CACNA1D: variants seen among roughly 807,000 people sequenced by gnomAD.
CACNA1D encodes voltage-dependent L-type calcium channel subunit alpha-1D.
CACNA1D carries 55 observed loss-of-function variants against 257.1 expected under a neutral mutation model. That is an observed-to-expected ratio of 0.21 (90% CI 0.17 to 0.27). The LOEUF (loss-of-function observed/expected upper bound fraction) is 0.27. Among genes scored for constraint, CACNA1D ranks in the 10% least tolerant of loss-of-function variants. The pLI is 1.00. For missense variants in CACNA1D, 1,876 were observed against 2,784.0 expected (o/e 0.67, Z 7.34); for synonymous variants, 980 against 1,014.9 (o/e 0.97, Z 0.65).
At position 53,638,510 on chromosome 3, in the gene CACNA1D, A is replaced by C. The variant is rs143106855; in HGVS notation, c.484-12269A>C. The stretch of plus-strand genomic sequence containing the variant: ...TGTTACATAGACTAGACACAGCAGT[A>C]ATAGCCAATGTTCCATGAGAACTTG... On this transcript the variant is annotated intron_variant, in intron 3 of 47. Coordinates refer to ENST00000350061, the MANE Select transcript of CACNA1D (RefSeq NM_001128840.3). Among the ~76,000 whole-genome samples, 672 of 152,358 alleles carry C rather than the reference A, an allele frequency of 4.4e-3. 7 individuals carry two copies. Among genetic ancestry groups the C allele is most frequent in the African/African-American group, 0.016 (648 of 41,582 alleles).
intron 3 of CACNA1D, among the ~76,000 whole-genome samples, chr3:53,510,258 A>G (rs1004789246): frequency 1.3e-5 from 2 of 152,222 alleles, no homozygotes; most frequent in East Asian, 1.9e-4. Flanking sequence ...ACGTATGTAT[A>G]TATCACCTGT....
At position 53,629,034 on chromosome 3, in the gene CACNA1D, G is replaced by A. The variant is rs181915963; in HGVS notation, c.484-21745G>A. 2.3e-4 allele frequency among the ~76,000 whole-genome samples: 35 copies of A among 152,354 alleles called. No homozygotes were observed. In the East Asian group the frequency reaches 5.2e-3, roughly 23 times the overall value. On this transcript the variant is annotated intron_variant, in intron 3 of 47. Transcript: ENST00000350061. ...AACCTTTTCTGTAAAGAATTGAATA[G>A]TAAATATTCTAGGCTTTGTGGGCCG...
At chr3:53,627,746 C>T (rs1359005025) in intron 3 of CACNA1D, among the ~76,000 whole-genome samples, 1 of 152,086 alleles carries the variant, frequency 6.6e-6, no homozygotes, top group Non-Finnish European at 1.5e-5. Context: ...GGTGTGGTGA[C>T]TCATGTCTGT....
At chr3:53,725,528 C>T (rs2094927489) in intron 14 of CACNA1D, among the ~76,000 whole-genome samples, 2 of 152,144 alleles carry the variant, frequency 1.3e-5, no homozygotes, top group African/African-American at 2.4e-5. Flanking sequence ...ACACACGTGC[C>T]CAAGTGCTCT....
chr3:53,499,831 C>T (rs1418224667), intron 2 of CACNA1D, among the ~76,000 whole-genome samples: 1 of 151,802 alleles, frequency 6.6e-6, no homozygotes, highest in African/African-American at 2.4e-5. Flanking sequence ...ACATTGGGGC[C>T]CTTGACTTTA....
intron 3 of CACNA1D, among the ~76,000 whole-genome samples, chr3:53,557,577 G>C (rs560518420): frequency 2.0e-5 from 3 of 152,128 alleles, no homozygotes; most frequent in Non-Finnish European, 4.4e-5. Flanking sequence ...GTTGAAGTGC[G>C]TTTTCTTTTG....
At chr3:53,698,334 A>G (rs2094591015) in intron 8 of CACNA1D, among the ~76,000 whole-genome samples, 1 of 152,220 alleles carries the variant, frequency 6.6e-6, no homozygotes, top group South Asian at 2.1e-4. Context: ...TGTCTAAGAT[A>G]GTTTCAGAAT....
rs144467716 is a variant in CACNA1D, at chr3:53,707,180, A to G, written c.1390+4370A>G. Among the ~76,000 whole-genome samples, 623 of 152,110 alleles carry G rather than the reference A, an allele frequency of 4.1e-3. 5 individuals are homozygous for G. The highest frequency in any genetic ancestry group is 0.014 in the African/African-American group (583 of 41,476). On this transcript the variant is annotated intron_variant, in intron 9 of 47. Transcript: ENST00000350061. Reference sequence around the variant, plus strand: ...TCTCTGATCTGCTAAATGTCACTGCATGCGTCTGCGATGCCCAACACTGGC... The same window carrying G: ...TCTCTGATCTGCTAAATGTCACTGCGTGCGTCTGCGATGCCCAACACTGGC...
At chr3:53,655,046 C>T (rs567564190) in intron 4 of CACNA1D, among the ~76,000 whole-genome samples, 35 of 152,268 alleles carry the variant, frequency 2.3e-4, no homozygotes, top group African/African-American at 8.4e-4. Flanking sequence ...TTAGCTCCTA[C>T]TTATAAGTGA....
intron 5 of CACNA1D, among the ~76,000 whole-genome samples, chr3:53,663,662 T>C (rs1248008498): frequency 6.6e-6 from 1 of 152,194 alleles, no homozygotes; most frequent in African/African-American, 2.4e-5. Flanking sequence ...GTGAACGTAA[T>C]TGCGGTTTTT....
Position 53,811,302 on chromosome 3 carries a change from T to C in CACNA1D, c.6382T>C (p.Tyr2128His), listed in dbSNP as rs927316350. Residue 2128 changes from tyrosine to histidine, a missense_variant, in exon 48 of 48, where the codon TAT (tyrosine) becomes CAT (histidine). Tyr to His is a moderately conservative substitution (Grantham distance 83). Transcript: ENST00000350061. The surrounding 1 kb of genome is among the most constrained non-coding windows in gnomAD (Gnocchi z 4.2). ...GGGCCCCCTCTCACACCGGCAGGAC[T>C]ATGAGCTACAGGACTTTGGTCCTGG... Reference protein sequence around the residue: ...DVGPLSHRQDYELQDFGPGYS... With the variant: ...DVGPLSHRQDHELQDFGPGYS... 1 of 1,613,624 alleles carries C rather than the reference T, an allele frequency of 6.2e-7. No individual in the cohort carries two copies. The highest frequency in any genetic ancestry group is 1.7e-5 in the Admixed American group (1 of 60,008).
intron 3 of CACNA1D, among the ~76,000 whole-genome samples, chr3:53,550,860 T>C (rs564383834): frequency 2.0e-5 from 3 of 152,316 alleles, no homozygotes; most frequent in South Asian, 2.1e-4. Flanking sequence ...AAATGAGCAA[T>C]TATATCTTTA....
chr3:53,643,989 CAT>C (rs2093992481), intron 3 of CACNA1D, among the ~76,000 whole-genome samples: 1 of 152,334 alleles, frequency 6.6e-6, no homozygotes, highest in Non-Finnish European at 1.5e-5. Context: ...GCGCTGGTAT[CAT>C]AGAACTTCTT....
intron 45 of CACNA1D, among the ~76,000 whole-genome samples, chr3:53,805,704 TCATCTTCCCTCCTCCTCCTC>T: frequency 1.4e-5 from 2 of 144,700 alleles, no homozygotes; most frequent in African/African-American, 5.4e-5. Flanking sequence ...CCTCCCTCCC[TCATCTTCCCTCCTCCTCCTC>T]CATCTTCCCT....
At chr3:53,716,958 A>G (rs776973849) in intron 9 of CACNA1D, among the ~76,000 whole-genome samples, 4 of 152,206 alleles carry the variant, frequency 2.6e-5, no homozygotes, top group African/African-American at 4.8e-5. Flanking sequence ...ACAGCCCCCT[A>G]CGCGAGCTGC....
Position 53,673,573 on chromosome 3 carries a change from A to C in CACNA1D, c.1220+447A>C. The C allele has an allele frequency of 1.5e-6, 1 of 679,186 alleles. No individual in the cohort carries two copies. Among genetic ancestry groups the C allele is most frequent in the Non-Finnish European group, 2.6e-6 (1 of 379,712 alleles). The allele number at this position is 679,186 out of a possible 1,614,324, so 42.1% of individuals were successfully genotyped here. On this transcript the variant is annotated intron_variant, in intron 8 of 47. Coordinates refer to ENST00000350061, the MANE Select transcript of CACNA1D (RefSeq NM_001128840.3). The surrounding 1 kb of genome is among the most constrained non-coding windows in gnomAD (Gnocchi z 4.1). ...TGTCCTTATTTGCAGAAAAAAAAAA[A>C]AAAAGGGAAGGACCTAGGCCCAGTC...
chr3:53,790,527 G>A (rs1462614812), intron 40 of CACNA1D, among the ~76,000 whole-genome samples: 2 of 152,216 alleles, frequency 1.3e-5, no homozygotes, highest in Admixed American at 6.5e-5. Context: ...AGCTTTGGAG[G>A]GATAGTCCTT....
chr3:53,725,588 G>T (rs1487966114), intron 14 of CACNA1D, among the ~76,000 whole-genome samples: 2 of 152,116 alleles, frequency 1.3e-5, no homozygotes, highest in Non-Finnish European at 2.9e-5. Flanking sequence ...TTGCCTCACT[G>T]CCTCTCCCCT....
chr3:53,734,543 G>A (rs2095038927), intron 19 of CACNA1D, among the ~76,000 whole-genome samples: 1 of 151,912 alleles, frequency 6.6e-6, no homozygotes, highest in Admixed American at 6.6e-5. Context: ...AAACATTGAG[G>A]GTATGGATAA....
Sources: gnomAD v4.1 joint callset for allele counts (sites outside exome capture counted in the v4.1 genomes callset) on GRCh38, gnomAD v4.1.1 for gene constraint, Gnocchi (gnomAD v3.1) non-coding constraint, MANE v1.5 for transcripts, NCBI Gene and HGNC (gene_info 2026-07-23, HGNC 2026-07-21) for gene names.